Variants in PSD3 observed in about 807,000 individuals in gnomAD.
The protein encoded by PSD3 is PH and SEC7 domain-containing protein 3.
A neutral mutation model predicts 105.5 loss-of-function variants in PSD3; 49 were observed. The ratio of observed to expected loss-of-function variants is 0.46; its 90% CI spans 0.37 to 0.59. The LOEUF (loss-of-function observed/expected upper bound fraction) is 0.59, where lower values mean the gene tolerates loss of function less well. Among genes scored for constraint, PSD3 ranks in the 20% least tolerant of loss-of-function variants. PSD3 has a pLI of 0.00. For synonymous variants in PSD3, 557 were observed against 457.8 expected, an observed-to-expected ratio of 1.22 and a Z score of -2.77; for missense variants, 1,561 against 1,263.8, an observed-to-expected ratio of 1.24 and a Z score of -3.57.
At chr8:18,970,117 A>T (rs1824539318) in intron 1 of PSD3, among the ~76,000 whole-genome samples, 2 of 151,604 alleles carry the variant, frequency 1.3e-5, no homozygotes, top group South Asian at 4.2e-4. Flanking sequence ...CGAGGTCAGG[A>T]GATCGAGACC....
At chr8:18,573,774 G>C (rs1051119815) in intron 13 of PSD3, among the ~76,000 whole-genome samples, 1 of 152,174 alleles carries the variant, frequency 6.6e-6, no homozygotes, top group African/African-American at 2.4e-5. Flanking sequence ...ATCAGTGGGT[G>C]CCTGGGGCTG....
chr8:19,040,398 G>T (rs934256855), intron 1 of PSD3, among the ~76,000 whole-genome samples: 2 of 152,028 alleles, frequency 1.3e-5, no homozygotes, highest in South Asian at 2.1e-4. Context: ...AGAGACGGGG[G>T]TCTTGCCATG....
chr8:18,968,874 G>A (rs1473592013), intron 1 of PSD3, among the ~76,000 whole-genome samples: 3 of 10,134 alleles, frequency 3.0e-4, no homozygotes, highest in Non-Finnish European at 7.9e-4. Context: ...AAAAAAAAAT[G>A]TCTCCAAAAA....
At chr8:19,025,236 G>A (rs1251099739) in intron 1 of PSD3, among the ~76,000 whole-genome samples, 1 of 152,088 alleles carries the variant, frequency 6.6e-6, no homozygotes, top group African/African-American at 2.4e-5. Flanking sequence ...AATAGTTCAT[G>A]GAACACCCAT....
intron 8 of PSD3, among the ~76,000 whole-genome samples, chr8:18,788,765 A>G (rs1315256569): frequency 1.3e-5 from 2 of 152,142 alleles, no homozygotes; most frequent in Non-Finnish European, 2.9e-5. Context: ...ACATGTTACA[A>G]TAAATGGTGG....
intron 9 of PSD3, among the ~76,000 whole-genome samples, chr8:18,724,311 C>T (rs1442116621): frequency 6.6e-6 from 1 of 152,118 alleles, no homozygotes; most frequent in Non-Finnish European, 1.5e-5. Context: ...CAGAAATCTC[C>T]TTAGAGTTCT....
At chr8:19,078,666 T>C (rs2129478253) in intron 1 of PSD3, among the ~76,000 whole-genome samples, 1 of 152,096 alleles carries the variant, frequency 6.6e-6, no homozygotes, top group South Asian at 2.1e-4. Context: ...CACCTACCTC[T>C]GTGCCCACCA....
At chr8:18,637,573 C>T (rs1807353754) in intron 10 of PSD3, among the ~76,000 whole-genome samples, 1 of 152,172 alleles carries the variant, frequency 6.6e-6, no homozygotes, top group South Asian at 2.1e-4. Context: ...TGGCAAAATG[C>T]ATTTAAGATT....
intron 10 of PSD3, among the ~76,000 whole-genome samples, chr8:18,646,678 T>A (rs909016446): frequency 3.3e-5 from 5 of 152,036 alleles, no homozygotes; most frequent in Admixed American, 3.3e-4. Flanking sequence ...TCTAAACTAA[T>A]AGAAAAACTC....
At chr8:18,910,932 C>CA (rs1306913309) in intron 2 of PSD3, among the ~76,000 whole-genome samples, 72 of 148,046 alleles carry the variant, frequency 4.9e-4, no homozygotes, top group Middle Eastern at 7.0e-3. Flanking sequence ...ACATAAAATT[C>CA]AAAAAAATAA....
intron 14 of PSD3, among the ~76,000 whole-genome samples, chr8:18,567,270 T>C (rs1311508216): frequency 9.6e-3 from 1 of 104 alleles, no homozygotes; most frequent in African/African-American, 0.011. Flanking sequence ...TTTGGAAGGT[T>C]TTTTTTTTTG....
intron 9 of PSD3, among the ~76,000 whole-genome samples, chr8:18,704,438 A>T (rs1309917499): frequency 6.6e-6 from 1 of 152,150 alleles, no homozygotes; most frequent in Admixed American, 6.5e-5. Flanking sequence ...CCTGGGTTCA[A>T]GTGATTCTCC....
At chr8:19,026,991 T>G (rs933747377) in intron 1 of PSD3, among the ~76,000 whole-genome samples, 2 of 152,198 alleles carry the variant, frequency 1.3e-5, no homozygotes, top group African/African-American at 4.8e-5. Flanking sequence ...TGTTTAAGAA[T>G]TTCTTTGATT....
chr8:18,656,443 A>C (rs899166575), intron 9 of PSD3, among the ~76,000 whole-genome samples: 1 of 151,022 alleles, frequency 6.6e-6, no homozygotes, highest in Middle Eastern at 3.2e-3. Flanking sequence ...GACTGAAGCC[A>C]GACATGGAAA....
At chr8:18,643,484 C>T (rs1807802067) in intron 10 of PSD3, among the ~76,000 whole-genome samples, 1 of 152,162 alleles carries the variant, frequency 6.6e-6, no homozygotes, top group Non-Finnish European at 1.5e-5. Context: ...CATGATTCAT[C>T]CTTAGGCAAA....
intron 4 of PSD3, among the ~76,000 whole-genome samples, chr8:18,867,331 C>G (rs1350221004): frequency 6.6e-6 from 1 of 152,184 alleles, no homozygotes; most frequent in Non-Finnish European, 1.5e-5. Flanking sequence ...CAGTGCCAGA[C>G]TAAAGCTACG....
rs1441750024 is a variant in PSD3 at position 18,532,044 on chromosome 8, A to G, written c.*3699T>C. The G allele has an allele frequency of 1.3e-5, 2 of 152,234 alleles. No homozygotes were observed. Among genetic ancestry groups the G allele is most frequent in the East Asian group, 3.8e-4 (2 of 5,196 alleles). 9.4% of individuals were successfully genotyped at this position (152,234 alleles called of 1,614,324 possible). A position where few individuals can be genotyped will look rare whatever the true frequency, so the allele number is the denominator to read the frequency against. On this transcript the variant is annotated 3_prime_UTR_variant, in exon 16 of 16. Coordinates refer to ENST00000327040, the MANE Select transcript of PSD3 (RefSeq NM_015310.4). ...ATTTCAAGGACAATTAATGAAACCC[A>G]AAAGGTTTTGTTAGTAAGACAATGG...
chr8:18,638,651 C>T (rs937680630), intron 10 of PSD3, among the ~76,000 whole-genome samples: 7 of 151,884 alleles, frequency 4.6e-5, no homozygotes, highest in African/African-American at 1.5e-4. Flanking sequence ...AGAAAAAAAT[C>T]CCATGTTAAT....
chr8:18,939,253 A>G (rs1450943383), intron 1 of PSD3, among the ~76,000 whole-genome samples: 1 of 152,210 alleles, frequency 6.6e-6, no homozygotes, highest in Admixed American at 6.5e-5. Flanking sequence ...CTGGAAGTTC[A>G]TGAAGCTGGG....
Sources: allele counts gnomAD v4.1 joint callset (sites outside exome capture counted in the v4.1 genomes callset), GRCh38; gene constraint gnomAD v4.1.1; transcripts MANE v1.5; gene names NCBI Gene and HGNC (gene_info 2026-07-23, HGNC 2026-07-21).